The following SLC6A2 variants were observed in gnomAD, a reference collection of about 807,000 sequenced individuals.
The protein encoded by SLC6A2 is sodium-dependent noradrenaline transporter.
In SLC6A2, 26 loss-of-function variants were observed where a neutral mutation model predicts 71.7. That is an observed-to-expected ratio of 0.36 (90% CI 0.27 to 0.50). SLC6A2 has a LOEUF of 0.50. SLC6A2 is among the 20% of genes least tolerant of loss of function. SLC6A2 has a pLI of 0.96. For missense variants in SLC6A2, 581 were observed against 803.9 expected (o/e 0.72, Z 3.35); for synonymous variants, 363 against 337.9 (o/e 1.07, Z -0.82).
chr16:55,675,290 G>A (rs533004347), intron 4 of SLC6A2, among the ~76,000 whole-genome samples: 100 of 152,334 alleles, frequency 6.6e-4, no homozygotes, highest in African/African-American at 2.4e-3. Context: ...TAAGCAGAAA[G>A]TACCTGATAC....
At chr16:55,667,086 A>G (rs1393263730) in intron 2 of SLC6A2, among the ~76,000 whole-genome samples, 2 of 151,828 alleles carry the variant, frequency 1.3e-5, no homozygotes, top group African/African-American at 4.8e-5. Context: ...TAGCTCACTG[A>G]GCCTCAAACT....
rs1344025250 is a variant in SLC6A2, at chr16:55,700,314, C to G, written c.1758+8C>G. On this transcript the variant is annotated splice_region_variant and intron_variant, in intron 13 of 14. Coordinates refer to ENST00000568943, the MANE Select transcript of SLC6A2 (RefSeq NM_001172501.3). ...CAGGGCTCTCTTTGGGAGGTGAGCT[C>G]TGGTCCTCCCCAGGGGAACAGGGTG... The G allele has an allele frequency of 2.5e-6, 4 of 1,592,190 alleles. No homozygotes were observed. Among genetic ancestry groups the G allele is most frequent in the Non-Finnish European group, 3.4e-6 (4 of 1,167,532 alleles).
At position 55,694,504 on chromosome 16, in the gene SLC6A2, A is replaced by C. The variant is rs189020589; in HGVS notation, c.1022+391A>C. ...AGAAGTGAGACTGCAGGGGAGACTGAGACTCAGAAGACCATGATCTAGCTC... is the reference window on the plus strand; with the variant it reads ...AGAAGTGAGACTGCAGGGGAGACTGCGACTCAGAAGACCATGATCTAGCTC... On this transcript the variant is annotated intron_variant, in intron 7 of 14. Coordinates refer to ENST00000568943, the MANE Select transcript of SLC6A2 (RefSeq NM_001172501.3). Among the ~76,000 whole-genome samples, 63 of 152,318 alleles carry C rather than the reference A, an allele frequency of 4.1e-4. No homozygotes were observed. In the Middle Eastern group the frequency reaches 0.014, roughly 33 times the overall value.
Position 55,703,833 on chromosome 16 carries a change from T to C in SLC6A2, c.*1487T>C. 1 of 984,738 alleles carries C rather than the reference T, an allele frequency of 1.0e-6. No individual in the cohort carries two copies. The highest frequency in any genetic ancestry group is 1.2e-6 in the Non-Finnish European group (1 of 829,378). The allele number at this position is 984,738 out of a possible 1,614,324, so 61.0% of individuals were successfully genotyped here. On this transcript the variant is annotated 3_prime_UTR_variant, in exon 15 of 15. Transcript: ENST00000568943. ...TTGGGGTGTTGTTGAGCCTGGTGGT[T>C]CCTGCATGAAGAGGATTATGAGGGG...
At chr16:55,685,796 C>G (rs1250540401) in intron 5 of SLC6A2, among the ~76,000 whole-genome samples, 1 of 152,082 alleles carries the variant, frequency 6.6e-6, no homozygotes, top group Non-Finnish European at 1.5e-5. Flanking sequence ...AATAAGTGCC[C>G]CCAGGGTTCC....
chr16:55,657,074 G>A (rs539740916), intron 2 of SLC6A2, 106 bp downstream of exon 2: 1 of 1,252,364 alleles, frequency 8.0e-7, no homozygotes, highest in African/African-American at 1.5e-5. Context: ...GAGGAGACAG[G>A]GGCAAATCTG....
Position 55,656,427 on chromosome 16 carries a change from C to A in SLC6A2, c.-51-217C>A. On this transcript the variant is annotated intron_variant, in intron 1 of 14. Transcript: ENST00000568943. The surrounding 1 kb of genome is among the most constrained non-coding windows in gnomAD (Gnocchi z 4.5). Reference sequence around the variant, plus strand: ...AAAAGTGCTGCAGGGTCTTCAGCCGCCCCCAGAGGGCTGTCAGAAGTCTCC... The same window carrying A: ...AAAAGTGCTGCAGGGTCTTCAGCCGACCCCAGAGGGCTGTCAGAAGTCTCC... The A allele has an allele frequency of 1.8e-6, 1 of 559,980 alleles. No individual in the cohort carries two copies. Among genetic ancestry groups the A allele is most frequent in the Non-Finnish European group, 3.2e-6 (1 of 311,778 alleles). The allele number at this position is 559,980 out of a possible 1,614,324, so 34.7% of individuals were successfully genotyped here. A position where few individuals can be genotyped will look rare whatever the true frequency, so the allele number is the denominator to read the frequency against.
At chr16:55,683,442 T>C (rs957800643) in intron 4 of SLC6A2, among the ~76,000 whole-genome samples, 2 of 152,048 alleles carry the variant, frequency 1.3e-5, no homozygotes, top group African/African-American at 4.8e-5. Flanking sequence ...TGAAACACTA[T>C]CTCTACTAAA....
chr16:55,687,184 G>T (rs1965478785), intron 5 of SLC6A2, among the ~76,000 whole-genome samples: 1 of 332 alleles, frequency 3.0e-3, no homozygotes, highest in Admixed American at 0.045. Context: ...TATATATCTT[G>T]CTATTTTCAT....
intron 6 of SLC6A2, among the ~76,000 whole-genome samples, chr16:55,692,256 G>A (rs1965658195): frequency 6.6e-6 from 1 of 152,180 alleles, no homozygotes; most frequent in Admixed American, 6.5e-5. Context: ...ACCCATGTCT[G>A]GAGGCCTGGG....
Position 55,656,663 on chromosome 16 carries a change from G to A in SLC6A2, c.-32G>A. The A allele has an allele frequency of 6.2e-7, 1 of 1,610,960 alleles. No homozygotes were observed. Among genetic ancestry groups the A allele is most frequent in the Non-Finnish European group, 8.5e-7 (1 of 1,179,838 alleles). On this transcript the variant is annotated 5_prime_UTR_variant, in exon 2 of 15. Transcript: ENST00000568943. The surrounding 1 kb of genome is among the most constrained non-coding windows in gnomAD (Gnocchi z 4.5). ...AAGCAGAGCCTCGGCGTGCCCCCAG[G>A]ACCGGTAAAGTTCCTCTCGCCAGCC...
intron 11 of SLC6A2, among the ~76,000 whole-genome samples, chr16:55,699,303 T>A (rs1965897204): frequency 6.6e-6 from 1 of 152,234 alleles, no homozygotes; most frequent in Non-Finnish European, 1.5e-5. Context: ...GCAAATCCCC[T>A]CACCTCTTTG....
At position 55,670,713 on chromosome 16, in the gene SLC6A2, C is replaced by T. The variant is rs1057432664; in HGVS notation, c.406+1017C>T. 3.9e-5 allele frequency among the ~76,000 whole-genome samples: 6 copies of T among 152,248 alleles called. No individual in the cohort carries two copies. In the East Asian group the frequency reaches 9.6e-4, roughly 24 times the overall value. On this transcript the variant is annotated intron_variant, in intron 3 of 14. Transcript: ENST00000568943. ...GCAAACAAGTAAACAAACAAAAACC[C>T]TTATAGAGTCATAGTTTCCTTAAAG...
chr16:55,704,978 T>G lies in SLC6A2; in HGVS notation c.*2632T>G. On this transcript the variant is annotated 3_prime_UTR_variant, in exon 15 of 15. Coordinates refer to ENST00000568943, the MANE Select transcript of SLC6A2 (RefSeq NM_001172501.3). ...CCACCCACATTTAATGGAGAGAGAG[T>G]ATGGGCTTTATGTTAAGTCATCTTT... 4.8e-6 allele frequency: 2 copies of G among 415,648 alleles called. No individual in the cohort carries two copies. Among genetic ancestry groups the G allele is most frequent in the South Asian group, 9.7e-5 (2 of 20,718 alleles). 25.7% of individuals were successfully genotyped at this position (415,648 alleles called of 1,614,324 possible).
chr16:55,658,665 C>T (rs1237163389), intron 2 of SLC6A2, among the ~76,000 whole-genome samples: 2 of 152,204 alleles, frequency 1.3e-5, no homozygotes, highest in African/African-American at 4.8e-5. Flanking sequence ...GTCTCCCTGA[C>T]ACCTCCTGAG....
At position 55,698,547 on chromosome 16, in the gene SLC6A2, A is replaced by G. The variant is rs767934280; in HGVS notation, c.1468A>G (p.Ile490Val). 2 of 1,613,642 alleles carry G rather than the reference A, an allele frequency of 1.2e-6. No individual in the cohort carries two copies. The highest frequency in any genetic ancestry group is 3.3e-5 in the Admixed American group (2 of 60,002). Residue 490 changes from isoleucine (I) to valine (V), a missense_variant, in exon 11 of 15, where the codon ATC (isoleucine) becomes GTC (valine). By Grantham distance (29) the Ile-to-Val change is conservative (BLOSUM62 3). Around this residue, in one of 5 missense-constraint regions of SLC6A2, gnomAD observed 334 missense variants for 449.0 expected, o/e 0.74. Coordinates refer to ENST00000568943, the MANE Select transcript of SLC6A2 (RefSeq NM_001172501.3). ...SILFAVLMEA[I>V]GVSWFYGVDR... ...CCTTTTTGCTGTCCTCATGGAAGCC[A>G]TCGGAGTTTCCTGGTTTTATGGTAT... is the stretch of plus-strand genomic sequence containing the variant.
chr16:55,668,718 C>G (rs574235050), intron 2 of SLC6A2, among the ~76,000 whole-genome samples: 1 of 152,320 alleles, frequency 6.6e-6, no homozygotes, highest in African/African-American at 2.4e-5. Context: ...CTAAGTCCAC[C>G]AGGAATTCTC....
chr16:55,700,872 TAC>T (rs554764874), intron 13 of SLC6A2, among the ~76,000 whole-genome samples: 4,072 of 152,012 alleles, frequency 0.027, 178 homozygotes, highest in South Asian at 0.098. Context: ...CATGTATATA[TAC>T]ACACACACAC....
chr16:55,663,349 A>T (rs1964660192), intron 2 of SLC6A2, among the ~76,000 whole-genome samples: 1 of 152,120 alleles, frequency 6.6e-6, no homozygotes. Context: ...GTGAGTTCTC[A>T]CGCCACTCTC....
Sources: allele counts gnomAD v4.1 joint callset (sites outside exome capture counted in the v4.1 genomes callset), GRCh38; gene constraint gnomAD v4.1.1; regional missense constraint gnomAD v4.1.1; non-coding constraint Gnocchi (gnomAD v3.1); transcripts MANE v1.5; gene names NCBI Gene and HGNC (gene_info 2026-07-23, HGNC 2026-07-21).